The following KIR3DL2 variants were observed in gnomAD, a reference collection of about 807,000 sequenced individuals.
KIR3DL2 encodes the protein killer cell immunoglobulin-like receptor 3DL2.
KIR3DL2 carries 42 observed loss-of-function variants against 41.6 expected under a neutral mutation model. The ratio of observed to expected loss-of-function variants is 1.01; its 90% CI spans 0.79 to 1.31. The LOEUF (loss-of-function observed/expected upper bound fraction) is 1.31, where lower values mean the gene tolerates loss of function less well. KIR3DL2 is among the 50% of genes most tolerant of loss of function. The probability of loss-of-function intolerance (pLI) is 0.00; values close to 1 mark genes in which losing one functional copy is unlikely to be tolerated. For missense variants in KIR3DL2, 728 were observed against 576.8 expected, an observed-to-expected ratio of 1.26 and a Z score of -2.68; for synonymous variants, 230 against 221.3, an observed-to-expected ratio of 1.04 and a Z score of -0.35.
At chr19:54,854,401 G>T (rs997613398) in intron 4 of KIR3DL2, among the ~76,000 whole-genome samples, 3 of 151,842 alleles carry the variant, frequency 2.0e-5, no homozygotes, top group African/African-American at 7.3e-5. Flanking sequence ...TCCACAAAGT[G>T]CTTCTACGAG....
At chr19:54,856,560 T>TGTAG (rs1696941441) in intron 5 of KIR3DL2, among the ~76,000 whole-genome samples, 1 of 151,898 alleles carries the variant, frequency 6.6e-6, no homozygotes, top group Admixed American at 6.5e-5. Context: ...GGCATGCACC[T>TGTAG]GTAGTCCTAG....
intron 7 of KIR3DL2, among the ~76,000 whole-genome samples, chr19:54,866,144 C>G (rs3745901): frequency 0.043 from 6,495 of 151,912 alleles, 182 homozygotes; most frequent in East Asian, 0.092. Context: ...CATCCAGAAG[C>G]TTCCATGACA....
chr19:54,852,177 C>G lies in KIR3DL2; in HGVS notation c.250C>G (p.Pro84Ala), dbSNP rs1488442719. 4 of 1,612,848 alleles carry G rather than the reference C, an allele frequency of 2.5e-6. No individual in the cohort carries two copies. In the Admixed American group the frequency reaches 6.7e-5, roughly 27 times the overall value. ...RIFQESFIMG[P>A]VTPAHAGTYR... ...ATTCCAGGAGAGCTTCATCATGGGC[C>G]CTGTGACCCCAGCACATGCAGGGAC... is the stretch of plus-strand genomic sequence containing the variant. Residue 84 changes from proline to alanine, a missense_variant, in exon 3 of 9, where the codon CCT becomes GCT. Physicochemically the swap from Pro to Ala is conservative, Grantham distance 27 (BLOSUM62 -1). Transcript: ENST00000326321.
In KIR3DL2 at chr19:54,852,202, C is replaced by G; in HGVS notation, c.275C>G (p.Thr92Ser). ...MGPVTPAHAGTYRCRGSRPHS... is the reference protein window; with the variant it reads ...MGPVTPAHAGSYRCRGSRPHS... ...CCTGTGACCCCAGCACATGCAGGGACCTACAGATGTCGGGGTTCACGCCCA... is the reference window on the plus strand; with the variant it reads ...CCTGTGACCCCAGCACATGCAGGGAGCTACAGATGTCGGGGTTCACGCCCA... Residue 92 changes from threonine to serine, a missense_variant, in exon 3 of 9, where the codon ACC (threonine) becomes AGC (serine). Coordinates refer to ENST00000326321, the MANE Select transcript of KIR3DL2 (RefSeq NM_006737.4). 1 of 1,612,060 alleles carries G rather than the reference C, an allele frequency of 6.2e-7. No homozygotes were observed. Among genetic ancestry groups the G allele is most frequent in the Non-Finnish European group, 8.5e-7 (1 of 1,179,238 alleles).
rs1428299090 is a variant in KIR3DL2, at chr19:54,851,935, G to A, written c.71-63G>A. On this transcript the variant is annotated intron_variant, in intron 2 of 8. Transcript: ENST00000326321. ...AAGCGGAAATGGGAGAATCTTCTGAGCACAGGGAGGGAGGGGTGGCTCCAC... is the reference window on the plus strand; with the variant it reads ...AAGCGGAAATGGGAGAATCTTCTGAACACAGGGAGGGAGGGGTGGCTCCAC... 14 of 1,578,810 alleles carry A rather than the reference G, an allele frequency of 8.9e-6. No individual in the cohort carries two copies. The East Asian group carries it at 9.3e-5, about 11-fold the overall frequency.
intron 4 of KIR3DL2, 49 bp downstream of exon 4, chr19:54,854,095 A>G: frequency 6.2e-7 from 1 of 1,603,090 alleles, no homozygotes; most frequent in Non-Finnish European, 8.5e-7. Flanking sequence ...CACAGAGTGA[A>G]TGATCCAGGA....
At chr19:54,865,272 C>T (rs1416049920) in intron 6 of KIR3DL2, among the ~76,000 whole-genome samples, 3 of 152,000 alleles carry the variant, frequency 2.0e-5, no homozygotes, top group Non-Finnish European at 4.4e-5. Context: ...AGCATGGCAC[C>T]AGCATCTGTT....
intron 4 of KIR3DL2, 116 bp from the exon 5 acceptor site, chr19:54,855,503 T>TGAGAGA (rs4020207): frequency 8.6e-7 from 1 of 1,157,516 alleles, no homozygotes; most frequent in Non-Finnish European, 1.1e-6. Flanking sequence ...GGGTGGAGGG[T>TGAGAGA]GAGAGAGAGA....
rs749458854 is a variant in KIR3DL2 at position 54,866,437 on chromosome 19, G to T, written c.1158+15G>T. 3 of 1,613,850 alleles carry T rather than the reference G, an allele frequency of 1.9e-6. No individual in the cohort carries two copies. ...TGAATAGGCAGGTAGGTCCTCCTCGGCCCAGCCTCACGGATACAGTCTTAT... is the reference window on the plus strand; with the variant it reads ...TGAATAGGCAGGTAGGTCCTCCTCGTCCCAGCCTCACGGATACAGTCTTAT... On this transcript the variant is annotated intron_variant, in intron 8 of 8. Transcript: ENST00000326321.
intron 5 of KIR3DL2, among the ~76,000 whole-genome samples, chr19:54,858,806 C>A (rs1457446768): frequency 1.3e-5 from 2 of 151,962 alleles, no homozygotes; most frequent in Admixed American, 6.6e-5. Flanking sequence ...TTTTTATGTG[C>A]CTTTCTTTAT....
Position 54,867,149 on chromosome 19 carries a change from A to C in KIR3DL2, c.*418A>C, listed in dbSNP as rs545281597. 2.4e-4 allele frequency: 50 copies of C among 209,938 alleles called. No individual in the cohort carries two copies. Among genetic ancestry groups the C allele is most frequent in the Non-Finnish European group, 3.6e-4 (38 of 106,464 alleles). The allele number at this position is 209,938 out of a possible 1,614,324, so 13.0% of individuals were successfully genotyped here. On this transcript the variant is annotated 3_prime_UTR_variant, in exon 9 of 9. Transcript: ENST00000326321. ...CCTTCTGTCATCAGTAAAATTTATAAATTTTTTTTATAACTTCAGTGTAGC... is the reference window on the plus strand; with the variant it reads ...CCTTCTGTCATCAGTAAAATTTATACATTTTTTTTATAACTTCAGTGTAGC...
Position 54,851,245 on chromosome 19 carries a change from G to GGTGA in KIR3DL2, c.60_61insGTGA (p.Pro21ValfsTer37). ...GGTTCTTCTTGCTGCAGGGGGCCTG[G>GGTGA]CCACTCATGGGTGAGTCCGTCCCCA... is the stretch of plus-strand genomic sequence containing the variant. On this transcript the variant is annotated frameshift_variant, in exon 2 of 9. Transcript: ENST00000326321. LOFTEE classifies it high-confidence loss of function. 1 of 1,609,202 alleles carries GGTGA rather than the reference G, an allele frequency of 6.2e-7. No individual in the cohort carries two copies. Among genetic ancestry groups the GGTGA allele is most frequent in the South Asian group, 1.1e-5 (1 of 91,014 alleles).
chr19:54,865,535 A>G (rs1199027290), intron 6 of KIR3DL2, among the ~76,000 whole-genome samples: 1 of 152,128 alleles, frequency 6.6e-6, no homozygotes, highest in Non-Finnish European at 1.5e-5. Flanking sequence ...CCATAGGCCC[A>G]AACTTCCACA....
intron 5 of KIR3DL2, among the ~76,000 whole-genome samples, 189 bp downstream of exon 5, chr19:54,856,101 C>A (rs2064755665): frequency 6.6e-6 from 1 of 151,392 alleles, no homozygotes; most frequent in Non-Finnish European, 1.5e-5. Flanking sequence ...TGCATGGAGG[C>A]CCATGGTCAG....
At chr19:54,858,992 G>T (rs1276058928) in intron 5 of KIR3DL2, 87 bp from the exon 6 acceptor site, 13 of 1,168,462 alleles carry the variant, frequency 1.1e-5, no homozygotes, top group Non-Finnish European at 1.6e-5. Context: ...ATAACAGAGT[G>T]TTGGCCATGA....
intron 3 of KIR3DL2, 72 bp from the exon 4 acceptor site, chr19:54,853,675 T>C: frequency 1.3e-6 from 2 of 1,542,008 alleles, no homozygotes; most frequent in Non-Finnish European, 1.8e-6. Flanking sequence ...AGGGGAACCC[T>C]CACTCATTCC....
chr19:54,863,844 GA>G (rs1254154377), intron 6 of KIR3DL2, among the ~76,000 whole-genome samples: 1 of 152,034 alleles, frequency 6.6e-6, no homozygotes, highest in Admixed American at 6.6e-5. Flanking sequence ...TTGCTGTGCA[GA>G]AGCTCTTTAG....
rs116503580 is a variant in KIR3DL2 at position 54,856,040 on chromosome 19, G to T, written c.949+128G>T. ...CACGAAGACTGGGTGTGAGGGGGGGGTCAGGGTGCAGGATGGCAGACAGGG... is the reference window on the plus strand; with the variant it reads ...CACGAAGACTGGGTGTGAGGGGGGGTTCAGGGTGCAGGATGGCAGACAGGG... On this transcript the variant is annotated intron_variant, in intron 5 of 8. Transcript: ENST00000326321. The T allele has an allele frequency of 7.8e-3, 9,402 of 1,202,572 alleles. 751 individuals carry two copies. The African/African-American group carries it at 0.13, about 16-fold the overall frequency. 74.5% of individuals were successfully genotyped at this position (1,202,572 alleles called of 1,614,324 possible). A position where few individuals can be genotyped will look rare whatever the true frequency, so the allele number is the denominator to read the frequency against.
rs1298628072 is a variant in KIR3DL2 at position 54,866,417 on chromosome 19, A to G, written c.1153A>G (p.Arg385Gly). The change falls in exon 8 of 9, where the codon AGG becomes GGG. Residue 385 changes from arginine to glycine, a missense_variant. Arg to Gly is a moderately radical substitution (Grantham distance 125). Transcript: ENST00000326321. The part of the protein sequence containing the change: ...QEPAGDRTVN[R>G]QDSDEQDPQE... ...GCCTGCGGGGGACAGAACAGTGAAT[A>G]GGCAGGTAGGTCCTCCTCGGCCCAG... The G allele has an allele frequency of 3.1e-6, 5 of 1,613,900 alleles. No homozygotes were observed. The African/African-American group carries it at 5.3e-5, about 17-fold the overall frequency.
Sources: allele counts gnomAD v4.1 joint callset (sites outside exome capture counted in the v4.1 genomes callset), GRCh38; gene constraint gnomAD v4.1.1; transcripts MANE v1.5; gene names NCBI Gene and HGNC (gene_info 2026-07-23, HGNC 2026-07-21).